The following DOK6 variants were observed in gnomAD, a reference collection of about 807,000 sequenced individuals.
DOK6 encodes downstream of tyrosine kinase 6.
Under a neutral mutation model 44.0 loss-of-function variants are expected in DOK6, and 22 were observed. That is an observed-to-expected ratio of 0.50 (90% CI 0.36 to 0.71). The LOEUF (loss-of-function observed/expected upper bound fraction) is 0.71. Among genes scored for constraint, DOK6 ranks in the 30% least tolerant of loss-of-function variants. The pLI, the probability that DOK6 is intolerant of heterozygous loss-of-function variation, is 0.00. For missense variants in DOK6, 340 were observed against 416.4 expected (o/e 0.82, Z 1.60); for synonymous variants, 166 against 145.5 (o/e 1.14, Z -1.01).
intron 3 of DOK6, among the ~76,000 whole-genome samples, chr18:69,676,533 C>T (rs1211490910): frequency 6.6e-6 from 1 of 152,136 alleles, no homozygotes; most frequent in Non-Finnish European, 1.5e-5. Context: ...GTGTCATCCA[C>T]AGAGAGCAAC....
At chr18:69,623,026 G>C (rs1478144667) in intron 3 of DOK6, among the ~76,000 whole-genome samples, 5 of 152,138 alleles carry the variant, frequency 3.3e-5, no homozygotes. Flanking sequence ...CTCAGTGTTG[G>C]AGGCCTGGTG....
intron 5 of DOK6, among the ~76,000 whole-genome samples, chr18:69,725,409 G>C (rs1050841292): frequency 1.3e-5 from 2 of 152,148 alleles, no homozygotes; most frequent in Admixed American, 6.5e-5. Flanking sequence ...AACTCTCCTG[G>C]GCTTGCTCTA....
chr18:69,681,818 G>A (rs928062676), intron 4 of DOK6, among the ~76,000 whole-genome samples: 2 of 152,190 alleles, frequency 1.3e-5, no homozygotes, highest in Non-Finnish European at 2.9e-5. Context: ...AAAAGTGAAC[G>A]TCGTAACCAA....
chr18:69,487,174 GAT>G (rs201117593), intron 1 of DOK6, among the ~76,000 whole-genome samples: 2,316 of 116,998 alleles, frequency 0.02, 60 homozygotes, highest in African/African-American at 0.07. Flanking sequence ...GCACTGATAG[GAT>G]ATGTGTGTGT....
intron 1 of DOK6, among the ~76,000 whole-genome samples, chr18:69,404,735 G>C (rs536326729): frequency 6.6e-6 from 1 of 152,216 alleles, no homozygotes; most frequent in East Asian, 1.9e-4. Context: ...ACTCAGGTGA[G>C]AGATTGGTGT....
intron 4 of DOK6, among the ~76,000 whole-genome samples, chr18:69,685,716 A>T (rs1986138650): frequency 6.6e-6 from 1 of 152,226 alleles, no homozygotes; most frequent in Non-Finnish European, 1.5e-5. Flanking sequence ...GCTTAAAAAA[A>T]ATCTACCATT....
In DOK6 at chr18:69,436,951, C is replaced by T. The variant is rs189242473; in HGVS notation, c.66+35641C>T. Among the ~76,000 whole-genome samples, 23 of 152,160 alleles carry T rather than the reference C, an allele frequency of 1.5e-4. No individual in the cohort carries two copies. In the East Asian group the frequency reaches 3.7e-3, roughly 24 times the overall value. On this transcript the variant is annotated intron_variant, in intron 1 of 7. Coordinates refer to ENST00000382713, the MANE Select transcript of DOK6 (RefSeq NM_152721.6). ...TTTCTATGTTTGTTGCCTGCATAAA[C>T]GTCTTTTGAGAAGTGTCTGTTCATA...
chr18:69,631,447 A>T (rs1254805986), intron 3 of DOK6, among the ~76,000 whole-genome samples: 1 of 152,232 alleles, frequency 6.6e-6, no homozygotes, highest in Non-Finnish European at 1.5e-5. Context: ...ATGGTAATTC[A>T]TGGCACCTAA....
intron 1 of DOK6, among the ~76,000 whole-genome samples, chr18:69,410,194 A>G (rs1442953676): frequency 6.6e-6 from 1 of 152,254 alleles, no homozygotes; most frequent in Non-Finnish European, 1.5e-5. Context: ...GATATTTTGA[A>G]TAATTATCTA....
chr18:69,786,425 A>G (rs1445491204), intron 7 of DOK6, among the ~76,000 whole-genome samples: 1 of 152,216 alleles, frequency 6.6e-6, no homozygotes, highest in Non-Finnish European at 1.5e-5. Flanking sequence ...TCTGAACATA[A>G]TCTTTAATAT....
intron 1 of DOK6, among the ~76,000 whole-genome samples, chr18:69,432,127 T>G (rs1454708872): frequency 6.6e-6 from 1 of 152,214 alleles, no homozygotes; most frequent in Non-Finnish European, 1.5e-5. Context: ...TTTTTTCCCC[T>G]AAAGATTATT....
chr18:69,476,355 C>T (rs547334336), intron 1 of DOK6, among the ~76,000 whole-genome samples: 18 of 152,244 alleles, frequency 1.2e-4, no homozygotes, highest in African/African-American at 1.7e-4. Context: ...GGTATTCCTA[C>T]GCTCTTTGTC....
rs932717549 is a variant in DOK6, at chr18:69,444,372, C to A, written c.66+43062C>A. ...ATGTATAACTCCAGGAACTCATTGC[C>A]TTAGTGACTGCACAAAAAGGGCACC... On this transcript the variant is annotated intron_variant, in intron 1 of 7. Transcript: ENST00000382713. Among the ~76,000 whole-genome samples the A allele has an allele frequency of 3.3e-5, 5 of 152,078 alleles. No individual in the cohort carries two copies. In the South Asian group the frequency reaches 8.3e-4, roughly 25 times the overall value.
At chr18:69,526,606 C>T (rs1225302229) in intron 1 of DOK6, among the ~76,000 whole-genome samples, 1 of 152,112 alleles carries the variant, frequency 6.6e-6, no homozygotes, top group Non-Finnish European at 1.5e-5. Context: ...AGATATATCC[C>T]TGAGAGTAAA....
intron 1 of DOK6, among the ~76,000 whole-genome samples, chr18:69,548,956 G>T (rs1982485175): frequency 6.6e-6 from 1 of 151,048 alleles, no homozygotes; most frequent in Non-Finnish European, 1.5e-5. Flanking sequence ...TTAGCTGGGC[G>T]AGGTGGCGGG....
At chr18:69,504,992 T>C (rs563117428) in intron 1 of DOK6, among the ~76,000 whole-genome samples, 287 of 152,316 alleles carry the variant, frequency 1.9e-3, no homozygotes, top group African/African-American at 6.3e-3. Flanking sequence ...TCTGCACTTA[T>C]TTTCACGTAA....
intron 1 of DOK6, among the ~76,000 whole-genome samples, chr18:69,544,849 C>T (rs1450523952): frequency 2.6e-5 from 4 of 151,358 alleles, no homozygotes; most frequent in African/African-American, 9.7e-5. Context: ...AATTACAACC[C>T]GCCAGGTGCG....
intron 5 of DOK6, 141 bp downstream of exon 5, chr18:69,698,734 A>C: frequency 1.4e-6 from 1 of 692,954 alleles, no homozygotes; most frequent in Non-Finnish European, 2.1e-6. Context: ...CAAATACATA[A>C]TTTCTTCAGA....
At chr18:69,685,651 T>G (rs909193053) in intron 4 of DOK6, among the ~76,000 whole-genome samples, 1 of 152,204 alleles carries the variant, frequency 6.6e-6, no homozygotes, top group African/African-American at 2.4e-5. Flanking sequence ...CTAGTGATGC[T>G]CATATATACA....
Sources: gnomAD v4.1 joint callset for allele counts (sites outside exome capture counted in the v4.1 genomes callset) on GRCh38, gnomAD v4.1.1 for gene constraint, MANE v1.5 for transcripts, NCBI Gene and HGNC (gene_info 2026-07-23, HGNC 2026-07-21) for gene names.